Variants in SIRT5 observed in about 807,000 individuals in gnomAD.
SIRT5 encodes sirtuin 5.
Under a neutral mutation model 40.0 loss-of-function variants are expected in SIRT5, and 26 were observed. The ratio of observed to expected loss-of-function variants is 0.65; its 90% CI spans 0.48 to 0.90. The LOEUF is 0.90. SIRT5 is among the 40% of genes least tolerant of loss of function. The pLI is 0.00. For synonymous variants in SIRT5, 146 were observed against 149.1 expected (o/e 0.98, Z 0.15); for missense variants, 401 against 402.4 (o/e 1.00, Z 0.03).
intron 5 of SIRT5, among the ~76,000 whole-genome samples, 188 bp from the exon 6 acceptor site, chr6:13,595,289 G>A (rs569694873): frequency 2.0e-5 from 3 of 152,132 alleles, no homozygotes; most frequent in Non-Finnish European, 2.9e-5. Flanking sequence ...TGGGAGGATC[G>A]CTTGAGCCCA....
At chr6:13,592,131 C>T (rs956174203) in intron 5 of SIRT5, among the ~76,000 whole-genome samples, 1 of 152,190 alleles carries the variant, frequency 6.6e-6, no homozygotes, top group Non-Finnish European at 1.5e-5. Context: ...TTCCTCCATC[C>T]TCGCTGCTCA....
chr6:13,606,088 TAC>T lies in SIRT5; in HGVS notation c.857+5143_857+5144del, dbSNP rs1389071929. Among the ~76,000 whole-genome samples, 4 of 152,302 alleles carry T rather than the reference TAC, an allele frequency of 2.6e-5. No individual in the cohort carries two copies. In the East Asian group the frequency reaches 7.7e-4, roughly 29 times the overall value. ...AGACAGGTAAGCAGTGAACATAAGG[TAC>T]ACATTCTACAGCACGTGAGCAGGTG... On this transcript the variant is annotated intron_variant, in intron 9 of 9. Coordinates refer to ENST00000606117, the MANE Select transcript of SIRT5 (RefSeq NM_012241.5).
chr6:13,597,194 G>A (rs1454231530), intron 7 of SIRT5, among the ~76,000 whole-genome samples, 178 bp downstream of exon 7: 2 of 152,148 alleles, frequency 1.3e-5, no homozygotes, highest in Non-Finnish European at 2.9e-5. Context: ...AACCAAATTA[G>A]GATGAAAAGA....
intron 9 of SIRT5, chr6:13,605,191 C>T: frequency 1.0e-6 from 1 of 984,728 alleles, no homozygotes; most frequent in Non-Finnish European, 1.2e-6. Context: ...AAACTACTGC[C>T]TGTGGGCCAA....
chr6:13,612,155 T>A lies in SIRT5; in HGVS notation c.*290T>A, dbSNP rs200223470. On this transcript the variant is annotated 3_prime_UTR_variant, in exon 10 of 10. Coordinates refer to ENST00000606117, the MANE Select transcript of SIRT5 (RefSeq NM_012241.5). ...TATTGGGAGGGAAAAATTTTGTAAA[T>A]TAGATTGTCTAAAAAAAATAGTTAT... is the stretch of plus-strand genomic sequence containing the variant. The A allele has an allele frequency of 1.6e-5, 4 of 242,512 alleles. No individual in the cohort carries two copies. The highest frequency in any genetic ancestry group is 3.2e-5 in the Non-Finnish European group (4 of 126,560). The allele number at this position is 242,512 out of a possible 1,614,324, so 15.0% of individuals were successfully genotyped here.
At chr6:13,604,738 G>A in intron 9 of SIRT5, 1 of 1,326,074 alleles carries the variant, frequency 7.5e-7, no homozygotes, top group Non-Finnish European at 9.6e-7. Context: ...GAGATTCTTG[G>A]CATGTAATAT....
chr6:13,609,272 C>G (rs1157024192), intron 9 of SIRT5, among the ~76,000 whole-genome samples: 1 of 152,160 alleles, frequency 6.6e-6, no homozygotes, highest in Non-Finnish European at 1.5e-5. Flanking sequence ...GGTATTCTGT[C>G]AAGATCAGGT....
At chr6:13,583,235 G>A (rs1562262888) in intron 2 of SIRT5, among the ~76,000 whole-genome samples, 1 of 148,770 alleles carries the variant, frequency 6.7e-6, no homozygotes, top group Non-Finnish European at 1.5e-5. Flanking sequence ...TACTTTGACC[G>A]CAAGTTGAGA....
rs1042729366 is a variant in SIRT5 at position 13,614,983 on chromosome 6, G to A, written c.*3118G>A. The stretch of plus-strand genomic sequence containing the variant: ...ACGGAACCCAGGGCCAAAAAACGGC[G>A]GCGAGCAGCGCCTCGGGCCCGCGAT... On this transcript the variant is annotated 3_prime_UTR_variant, in exon 10 of 10. Transcript: ENST00000606117. 2 of 216,242 alleles carry A rather than the reference G, an allele frequency of 9.2e-6. No homozygotes were observed. The highest frequency in any genetic ancestry group is 2.3e-5 in the African/African-American group (1 of 43,798). 13.4% of individuals were successfully genotyped at this position (216,242 alleles called of 1,614,324 possible).
At chr6:13,604,539 A>G (rs766195846) in intron 9 of SIRT5, 2 of 1,581,726 alleles carry the variant, frequency 1.3e-6, no homozygotes, top group African/African-American at 2.7e-5. Flanking sequence ...CATTGTAGAA[A>G]AGCAAGAAAA....
At chr6:13,587,775 G>A (rs1447414193) in intron 3 of SIRT5, among the ~76,000 whole-genome samples, 1 of 152,250 alleles carries the variant, frequency 6.6e-6, no homozygotes, top group Non-Finnish European at 1.5e-5. Context: ...AGAAGGCCAT[G>A]TGTCCTCAAA....
At chr6:13,605,745 G>C in intron 9 of SIRT5, 1 of 985,404 alleles carries the variant, frequency 1.0e-6, no homozygotes, top group Non-Finnish European at 1.2e-6. Flanking sequence ...TTAAACCTCA[G>C]TGTTTTGACT....
rs1347922119 is a variant in SIRT5, at chr6:13,614,908, G to A, written c.*3043G>A. 2 of 162,512 alleles carry A rather than the reference G, an allele frequency of 1.2e-5. No homozygotes were observed. The highest frequency in any genetic ancestry group is 2.4e-5 in the African/African-American group (1 of 41,708). The allele number at this position is 162,512 out of a possible 1,614,324, so 10.1% of individuals were successfully genotyped here. The stretch of plus-strand genomic sequence containing the variant: ...GAAACGCCACCTCCTCCGAAGTGCG[G>A]AGCGAACGCAGCCAAATCTACACAA... On this transcript the variant is annotated 3_prime_UTR_variant, in exon 10 of 10. Coordinates refer to ENST00000606117, the MANE Select transcript of SIRT5 (RefSeq NM_012241.5).
intron 3 of SIRT5, among the ~76,000 whole-genome samples, chr6:13,587,720 G>T (rs913002910): frequency 2.6e-5 from 4 of 152,188 alleles, no homozygotes; most frequent in Non-Finnish European, 5.9e-5. Context: ...CAAGTCTCTG[G>T]CAGTGTCCTG....
At chr6:13,577,306 T>C (rs909702386) in intron 1 of SIRT5, among the ~76,000 whole-genome samples, 3 of 152,192 alleles carry the variant, frequency 2.0e-5, no homozygotes, top group Non-Finnish European at 4.4e-5. Flanking sequence ...TTTTTACTTA[T>C]TTGTGTCTCT....
At chr6:13,606,622 C>T (rs980522275) in intron 9 of SIRT5, among the ~76,000 whole-genome samples, 1 of 152,158 alleles carries the variant, frequency 6.6e-6, no homozygotes, top group Non-Finnish European at 1.5e-5. Flanking sequence ...AGGACACATA[C>T]ATACTTTAAA....
Position 13,574,629 on chromosome 6 carries a change from G to A in SIRT5, c.-310G>A, listed in dbSNP as rs199652519. On this transcript the variant is annotated 5_prime_UTR_variant, in exon 1 of 10. Transcript: ENST00000606117. ...CGGGGGCGCGAGCTGCCCCAGGTGA[G>A]CCGTGGCTCAGGTCCGGAGCGCGGT... The A allele has an allele frequency of 4.8e-4, 74 of 152,708 alleles. No homozygotes were observed. Among genetic ancestry groups the A allele is most frequent in the Middle Eastern group, 3.3e-3 (1 of 302 alleles). 9.5% of individuals were successfully genotyped at this position (152,708 alleles called of 1,614,324 possible).
In SIRT5 at chr6:13,605,660, C is replaced by A. The variant is rs2127723125; in HGVS notation, c.857+4711C>A. Reference sequence around the variant, plus strand: ...TTCCAGTTTTGGTTTTGTCGTTTTCCCCATGTCCGATGCTTATATTGGATG... The same window carrying A: ...TTCCAGTTTTGGTTTTGTCGTTTTCACCATGTCCGATGCTTATATTGGATG... On this transcript the variant is annotated intron_variant, in intron 9 of 9. Transcript: ENST00000606117. The A allele has an allele frequency of 4.1e-6, 4 of 985,380 alleles. No homozygotes were observed. In the South Asian group the frequency reaches 1.9e-4, roughly 46 times the overall value. The allele number at this position is 985,380 out of a possible 1,614,324, so 61.0% of individuals were successfully genotyped here. A position where few individuals can be genotyped will look rare whatever the true frequency, so the allele number is the denominator to read the frequency against.
chr6:13,602,477 G>A (rs1164221315), intron 9 of SIRT5, among the ~76,000 whole-genome samples: 2 of 150,392 alleles, frequency 1.3e-5, no homozygotes, highest in Non-Finnish European at 2.9e-5. Context: ...TCCAGCCTGG[G>A]CAACAAGAGT....
Sources: allele counts gnomAD v4.1 joint callset (sites outside exome capture counted in the v4.1 genomes callset), GRCh38; gene constraint gnomAD v4.1.1; transcripts MANE v1.5; gene names NCBI Gene and HGNC (gene_info 2026-07-23, HGNC 2026-07-21).